SCYL3: variants seen among roughly 807,000 people sequenced by gnomAD.
SCYL3 encodes the protein protein-associating with the carboxyl-terminal domain of ezrin.
Under a neutral mutation model 73.8 loss-of-function variants are expected in SCYL3, and 35 were observed. The observed-to-expected ratio is 0.47, with a 90% CI of 0.36 to 0.63. The LOEUF (loss-of-function observed/expected upper bound fraction) is 0.63, where lower values mean the gene tolerates loss of function less well. SCYL3 is among the 20% of genes least tolerant of loss of function. The pLI is 0.00. For missense variants in SCYL3, 712 were observed against 798.9 expected, an observed-to-expected ratio of 0.89 and a Z score of 1.31; for synonymous variants, 277 against 295.2, an observed-to-expected ratio of 0.94 and a Z score of 0.63.
chr1:169,886,129 G>A (rs1229534248), intron 2 of SCYL3, among the ~76,000 whole-genome samples: 1 of 152,158 alleles, frequency 6.6e-6, no homozygotes, highest in Non-Finnish European at 1.5e-5. Flanking sequence ...TGGCCAACAT[G>A]GTGAAACCCC....
intron 8 of SCYL3, among the ~76,000 whole-genome samples, chr1:169,864,962 T>A (rs1184658196): frequency 1.0e-5 from 1 of 95,366 alleles, no homozygotes; most frequent in African/African-American, 4.1e-5. Context: ...AGGGTGAGAT[T>A]CTGTCTCAAA....
At position 169,878,638 on chromosome 1, in the gene SCYL3, T is replaced by C. The variant is rs1410609146; in HGVS notation, c.347A>G (p.Asp116Gly). ...DILLALIFLH[D>G]RGHLTHNNVC... The stretch of plus-strand genomic sequence containing the variant: ...CAGACTATACAGGTTACTTACTCTG[T>C]CATGAAGGAAGATAAGAGCCAGCAA... The change falls in exon 3 of 13, where the codon GAC (aspartate) becomes GGC (glycine). Residue 116 changes from aspartate to glycine, a missense_variant. Asp to Gly is a moderately conservative substitution (Grantham distance 94, BLOSUM62 -1). Around this residue, in one of 2 missense-constraint regions of SCYL3, gnomAD observed 342 missense variants for 448.1 expected, o/e 0.76. Transcript: ENST00000367771. The C allele has an allele frequency of 1.2e-6, 2 of 1,611,400 alleles. No individual in the cohort carries two copies. The highest frequency in any genetic ancestry group is 1.7e-5 in the Admixed American group (1 of 59,470).
At chr1:169,867,515 C>T (rs1660117609) in intron 7 of SCYL3, among the ~76,000 whole-genome samples, 1 of 152,178 alleles carries the variant, frequency 6.6e-6, no homozygotes, top group African/African-American at 2.4e-5. Flanking sequence ...GTGCACTGCT[C>T]AGCTCACACC....
At position 169,850,522 on chromosome 1, in the gene SCYL3, G is replaced by A. The variant is rs2102073493; in HGVS notation, c.*3191C>T. The A allele has an allele frequency of 1.9e-6, 1 of 527,736 alleles. No individual in the cohort carries two copies. The highest frequency in any genetic ancestry group is 3.4e-6 in the Non-Finnish European group (1 of 295,118). The allele number at this position is 527,736 out of a possible 1,614,324, so 32.7% of individuals were successfully genotyped here. On this transcript the variant is annotated 3_prime_UTR_variant, in exon 13 of 13. Coordinates refer to ENST00000367771, the MANE Select transcript of SCYL3 (RefSeq NM_020423.7). The stretch of plus-strand genomic sequence containing the variant: ...ACAGAAGTAAAACACTTGGGGCCAG[G>A]CGCGGCGGCTCATGCCTGTAATCCC...
chr1:169,871,401 G>A (rs1660384184), intron 5 of SCYL3, among the ~76,000 whole-genome samples: 1 of 152,192 alleles, frequency 6.6e-6, no homozygotes, highest in African/African-American at 2.4e-5. Flanking sequence ...GCCACCAGGT[G>A]AGACGTGCCT....
intron 2 of SCYL3, among the ~76,000 whole-genome samples, chr1:169,885,304 C>G (rs1270427254): frequency 1.3e-5 from 2 of 152,200 alleles, no homozygotes; most frequent in Admixed American, 1.3e-4. Context: ...TATCAGGAAT[C>G]AGTTATGATT....
chr1:169,862,358 A>G (rs1417938576), intron 10 of SCYL3, among the ~76,000 whole-genome samples: 1 of 152,244 alleles, frequency 6.6e-6, no homozygotes, highest in Non-Finnish European at 1.5e-5. Context: ...TGCTCCATAC[A>G]TTATTGTTAT....
At chr1:169,882,679 C>T (rs941858328) in intron 2 of SCYL3, among the ~76,000 whole-genome samples, 7 of 152,294 alleles carry the variant, frequency 4.6e-5, no homozygotes, top group Admixed American at 2.0e-4. Context: ...CACCAATCAG[C>T]GCCCTGTGTC....
chr1:169,853,736 T>G lies in SCYL3; in HGVS notation c.2044A>C (p.Asn682His), dbSNP rs932956215. 3.1e-6 allele frequency: 5 copies of G among 1,613,868 alleles called. No homozygotes were observed. The Admixed American group carries it at 8.3e-5, about 27-fold the overall frequency. ...AEGWEEEGEL[N>H]WEDNNW is the part of the protein sequence containing the mutation. ...TGTCACCAGTTATTATCTTCCCAGT[T>G]CAGCTCCCCTTCTTCTTCCCAGCCT... The change falls in exon 13 of 13, where the codon AAC (asparagine) becomes CAC (histidine). Residue 682 changes from asparagine to histidine, a missense_variant. Asn to His is a moderately conservative substitution (Grantham distance 68, BLOSUM62 1). Transcript: ENST00000367771.
chr1:169,870,171 G>T, intron 6 of SCYL3, 84 bp downstream of exon 6: 1 of 1,009,334 alleles, frequency 9.9e-7, no homozygotes, highest in Non-Finnish European at 1.5e-6. Context: ...CTCAAAGACT[G>T]TAGTCCTTTG....
At chr1:169,877,395 C>T (rs535452423) in intron 3 of SCYL3, among the ~76,000 whole-genome samples, 15 of 152,222 alleles carry the variant, frequency 9.9e-5, no homozygotes, top group Admixed American at 2.0e-4. Context: ...TGGGCTCAAG[C>T]GATCCTCTTG....
chr1:169,875,920 C>A, intron 4 of SCYL3, 58 bp downstream of exon 4: 1 of 1,120,514 alleles, frequency 8.9e-7, no homozygotes, highest in Non-Finnish European at 1.3e-6. Context: ...AGGCAAGAAC[C>A]ACATACCAAG....
In SCYL3 at chr1:169,851,046, T is replaced by C. The variant is rs1472877587; in HGVS notation, c.*2667A>G. 2.7e-5 allele frequency: 1 copy of C among 37,476 alleles called. No individual in the cohort carries two copies. Among genetic ancestry groups the C allele is most frequent in the African/African-American group, 1.8e-4 (1 of 5,654 alleles). 2.3% of individuals were successfully genotyped at this position (37,476 alleles called of 1,614,324 possible). On this transcript the variant is annotated 3_prime_UTR_variant, in exon 13 of 13. Coordinates refer to ENST00000367771, the MANE Select transcript of SCYL3 (RefSeq NM_020423.7). ...CCAAGCCAGGGTAAGCTCAGGGCCC[T>C]TTTTTTTTTTTTTTTTTTTTTTTTT...
intron 3 of SCYL3, among the ~76,000 whole-genome samples, chr1:169,877,102 T>C (rs1295519412): frequency 2.0e-5 from 3 of 151,926 alleles, no homozygotes; most frequent in Admixed American, 1.3e-4. Flanking sequence ...TAAGTTTTTT[T>C]CCCCAAACCA....
chr1:169,870,576 A>G (rs1439761370), intron 5 of SCYL3, among the ~76,000 whole-genome samples: 1 of 152,196 alleles, frequency 6.6e-6, no homozygotes, highest in Non-Finnish European at 1.5e-5. Context: ...AGGTTAGAAT[A>G]TGGCACATGT....
Position 169,854,440 on chromosome 1 carries a change from GCTT to G in SCYL3, c.1834_1836del (p.Lys612del). The G allele has an allele frequency of 1.2e-6, 2 of 1,614,032 alleles. No homozygotes were observed. Among genetic ancestry groups the G allele is most frequent in the Non-Finnish European group, 1.7e-6 (2 of 1,179,956 alleles). On this transcript the variant is annotated inframe_deletion, in exon 12 of 13. Coordinates refer to ENST00000367771, the MANE Select transcript of SCYL3 (RefSeq NM_020423.7). Reference sequence around the variant, plus strand: ...CAATCCATCTCAGGATCTTTTACTGGCTTCTTTTTTACTTGAATGGTGAATTCC... The same window carrying G: ...CAATCCATCTCAGGATCTTTTACTGGCTTTTTTACTTGAATGGTGAATTCC...
In SCYL3 at chr1:169,854,649, C is replaced by G. The variant is rs12143301; in HGVS notation, c.1628G>C (p.Gly543Ala). Reference protein sequence around the residue: ...GITATKPVTSGEQKPIPALLS... With the variant: ...GITATKPVTSAEQKPIPALLS... ...CAAAGCAGGAATAGGCTTCTGCTCC[C>G]CTGAGGTAACAGGTTTTGTAGCAGT... The change falls in exon 12 of 13, where the codon GGG becomes GCG. Residue 543 changes from glycine (G) to alanine (A), a missense_variant. Transcript: ENST00000367771. 137,651 of 1,613,932 alleles carry G rather than the reference C, an allele frequency of 0.085. 6,404 individuals are homozygous for G. Among genetic ancestry groups the G allele is most frequent in the Middle Eastern group, 0.099 (597 of 6,060 alleles).
Position 169,851,792 on chromosome 1 carries a change from C to G in SCYL3, c.*1921G>C. On this transcript the variant is annotated 3_prime_UTR_variant, in exon 13 of 13. Transcript: ENST00000367771. ...TAGAGTGCTAACATGTTGCTATTTG[C>G]TTGGTTTTTCATGGTCCCTGGCAGA... 1.2e-6 allele frequency: 2 copies of G among 1,608,992 alleles called. No individual in the cohort carries two copies. Among genetic ancestry groups the G allele is most frequent in the Admixed American group, 3.4e-5 (2 of 59,366 alleles).
rs1006046166 is a variant in SCYL3 at position 169,853,078 on chromosome 1, G to A, written c.*635C>T. On this transcript the variant is annotated 3_prime_UTR_variant, in exon 13 of 13. Transcript: ENST00000367771. The stretch of plus-strand genomic sequence containing the variant: ...TTCTAACAGATATAAAACAAATTTT[G>A]TAAAGTTGAATCTAGTGAAAATAAT... The A allele has an allele frequency of 7.2e-6, 9 of 1,255,384 alleles. No individual in the cohort carries two copies. Among genetic ancestry groups the A allele is most frequent in the South Asian group, 1.3e-5 (1 of 74,872 alleles). 77.8% of individuals were successfully genotyped at this position (1,255,384 alleles called of 1,614,324 possible). A position where few individuals can be genotyped will look rare whatever the true frequency, so the allele number is the denominator to read the frequency against.
Sources: gnomAD v4.1 joint callset for allele counts (sites outside exome capture counted in the v4.1 genomes callset) on GRCh38, gnomAD v4.1.1 for gene constraint, gnomAD v4.1.1 regional missense constraint, MANE v1.5 for transcripts, NCBI Gene and HGNC (gene_info 2026-07-23, HGNC 2026-07-21) for gene names.